The following HCRTR2 variants were observed in gnomAD, a reference collection of about 807,000 sequenced individuals.
The protein encoded by HCRTR2 is hypocretin receptor 2.
HCRTR2 carries 22 observed loss-of-function variants against 49.0 expected under a neutral mutation model. The observed-to-expected ratio is 0.45, with a 90% CI of 0.32 to 0.64. The LOEUF is 0.64. HCRTR2 is among the 30% of genes least tolerant of loss of function. HCRTR2 has a pLI of 0.04. For synonymous variants in HCRTR2, 236 were observed against 205.3 expected (o/e 1.15, Z -1.28); for missense variants, 491 against 559.4 (o/e 0.88, Z 1.23).
chr6:55,239,706 C>A (rs1322891514), intron 1 of HCRTR2, among the ~76,000 whole-genome samples: 1 of 150,060 alleles, frequency 6.7e-6, no homozygotes, highest in Non-Finnish European at 1.5e-5. Flanking sequence ...TTTATATTTT[C>A]TTTTCTTGAG....
chr6:55,153,560 A>G (rs532782275), intron 1 of HCRTR2, among the ~76,000 whole-genome samples: 1 of 152,130 alleles, frequency 6.6e-6, no homozygotes, highest in Admixed American at 6.6e-5. Flanking sequence ...ACATCATTAT[A>G]CAATTTGTGA....
At chr6:55,284,669 T>TA (rs35242129), downstream of HCRTR2, among the ~76,000 whole-genome samples, 1,506 of 148,566 alleles carry the variant, frequency 0.01, 28 homozygotes, top group African/African-American at 0.034. Context: ...GTCATCTTAT[T>TA]AAAAAAAAAA....
intron 6 of HCRTR2, among the ~76,000 whole-genome samples, chr6:55,280,910 T>G (rs1767177864): frequency 6.6e-6 from 1 of 152,170 alleles, no homozygotes; most frequent in African/African-American, 2.4e-5. Flanking sequence ...TATTTCCCAC[T>G]GACTACCAAA....
intron 1 of HCRTR2, among the ~76,000 whole-genome samples, chr6:55,179,380 TGTGC>T (rs1765093584): frequency 2.0e-5 from 3 of 152,196 alleles, no homozygotes; most frequent in Non-Finnish European, 4.4e-5. Flanking sequence ...TTAAACCTAT[TGTGC>T]ATTTTAGTTT....
intron 1 of HCRTR2, among the ~76,000 whole-genome samples, chr6:55,204,151 A>G (rs1353878982): frequency 6.6e-6 from 1 of 152,006 alleles, no homozygotes; most frequent in Non-Finnish European, 1.5e-5. Context: ...CTGCTTACCT[A>G]TCCAGCAGGC....
intron 3 of HCRTR2, among the ~76,000 whole-genome samples, chr6:55,263,238 G>A (rs1228999438): frequency 6.6e-6 from 1 of 151,918 alleles, no homozygotes; most frequent in African/African-American, 2.4e-5. Flanking sequence ...ATTTCTCAGG[G>A]AACTTACATT....
chr6:55,213,501 G>T (rs765637730), intron 1 of HCRTR2, among the ~76,000 whole-genome samples: 6 of 152,004 alleles, frequency 3.9e-5, no homozygotes, highest in Admixed American at 1.3e-4. Flanking sequence ...AATGACAAAT[G>T]GAAAAAATTT....
At chr6:55,169,010 A>G (rs1171557214) in intron 1 of HCRTR2, among the ~76,000 whole-genome samples, 4 of 151,746 alleles carry the variant, frequency 2.6e-5, no homozygotes, top group Admixed American at 1.3e-4. Context: ...AGCTTAAACA[A>G]TGTCTTTTCC....
intron 1 of HCRTR2, among the ~76,000 whole-genome samples, chr6:55,245,495 A>G (rs1219122586): frequency 7.6e-6 from 1 of 131,328 alleles, no homozygotes; most frequent in Non-Finnish European, 1.6e-5. Flanking sequence ...ATATATATAT[A>G]TATATATATA....
intron 1 of HCRTR2, among the ~76,000 whole-genome samples, chr6:55,207,772 T>C (rs1023289358): frequency 2.0e-5 from 3 of 152,222 alleles, no homozygotes; most frequent in Admixed American, 1.3e-4. Flanking sequence ...TGATAAAGTT[T>C]CTTCTAACGA....
chr6:55,277,639 C>T, intron 5 of HCRTR2, 39 bp downstream of exon 5: 2 of 1,408,614 alleles, frequency 1.4e-6, no homozygotes, highest in East Asian at 2.3e-5. Context: ...AATAGCCTGC[C>T]TTTTCTTGAT....
intron 1 of HCRTR2, among the ~76,000 whole-genome samples, chr6:55,226,681 C>T (rs958584057): frequency 7.0e-6 from 1 of 142,214 alleles, no homozygotes; most frequent in East Asian, 2.1e-4. Context: ...TGTTTAGGCT[C>T]TGCTTGTAGA....
chr6:55,209,916 C>G (rs1333424858), intron 1 of HCRTR2, among the ~76,000 whole-genome samples: 1 of 152,034 alleles, frequency 6.6e-6, no homozygotes, highest in Non-Finnish European at 1.5e-5. Flanking sequence ...CTTCGAAGAA[C>G]AATGTATTCG....
At chr6:55,238,187 G>T (rs773759037) in intron 1 of HCRTR2, among the ~76,000 whole-genome samples, 1 of 151,938 alleles carries the variant, frequency 6.6e-6, no homozygotes, top group Non-Finnish European at 1.5e-5. Flanking sequence ...TTATCCCCTA[G>T]CTCAGTGAGC....
chr6:55,146,243 T>G (rs374512358), intron 1 of HCRTR2, among the ~76,000 whole-genome samples: 3 of 152,272 alleles, frequency 2.0e-5, no homozygotes, highest in East Asian at 3.9e-4. Flanking sequence ...CAGAAAGGGA[T>G]AATATACAGT....
intron 5 of HCRTR2, among the ~76,000 whole-genome samples, chr6:55,279,474 G>A (rs563243541): frequency 1.4e-5 from 2 of 146,824 alleles, no homozygotes; most frequent in South Asian, 4.4e-4. Flanking sequence ...ATGGTATAAG[G>A]TACACCTTAT....
chr6:55,248,795 G>T lies in HCRTR2; in HGVS notation c.380G>T (p.Cys127Phe). ...TETWFFGQSL[C>F]KVIPYLQTVS... ...ACCTGGTTTTTTGGACAGTCCCTTT[G>T]CAAAGTGATTCCTTATCTACAGGTA... Residue 127 changes from cysteine (C) to phenylalanine (F), a missense_variant, in exon 2 of 7, where the codon TGC becomes TTC. By Grantham distance (205) the Cys-to-Phe change is radical (BLOSUM62 -2). Coordinates refer to ENST00000370862, the MANE Select transcript of HCRTR2 (RefSeq NM_001384272.1). 1 of 1,613,254 alleles carries T rather than the reference G, an allele frequency of 6.2e-7. No individual in the cohort carries two copies. Among genetic ancestry groups the T allele is most frequent in the Non-Finnish European group, 8.5e-7 (1 of 1,179,374 alleles).
At chr6:55,212,386 A>G (rs6922310) in intron 1 of HCRTR2, among the ~76,000 whole-genome samples, 31,956 of 152,078 alleles carry the variant, frequency 0.21, 3,507 homozygotes, top group Admixed American at 0.28. Context: ...GAAATGAGTC[A>G]TGATTTTTCT....
At chr6:55,216,308 G>A (rs1765785451) in intron 1 of HCRTR2, among the ~76,000 whole-genome samples, 1 of 152,038 alleles carries the variant, frequency 6.6e-6, no homozygotes, top group Non-Finnish European at 1.5e-5. Flanking sequence ...CTTATCATAT[G>A]CAAATACCTT....
Sources: gnomAD v4.1 joint callset for allele counts (sites outside exome capture counted in the v4.1 genomes callset) on GRCh38, gnomAD v4.1.1 for gene constraint, MANE v1.5 for transcripts, NCBI Gene and HGNC (gene_info 2026-07-23, HGNC 2026-07-21) for gene names.